Variants in ZNG1A observed in about 807,000 individuals in gnomAD.
ZNG1A encodes the protein zinc-regulated GTPase metalloprotein activator 1A.
At chr9:162,442 T>C in the ZNG1A span, 6 of 1,499,480 alleles carry the variant, frequency 4.0e-6, no homozygotes, top group African/African-American at 7.2e-5. Context: ...TTTTAATCCA[T>C]ATTTTGAATC....
At chr9:126,895 T>C in the ZNG1A span, among the ~76,000 whole-genome samples, 1 of 152,078 alleles carries the variant, frequency 6.6e-6, no homozygotes, top group Non-Finnish European at 1.5e-5. Flanking sequence ...ACTCTTGTCG[T>C]TCAGTTTGAG....
the ZNG1A span, chr9:150,231 A>C: frequency 8.4e-6 from 1 of 118,892 alleles, no homozygotes; most frequent in African/African-American, 3.3e-5. Context: ...GGTTCACGCC[A>C]TTCTCCTGCC....
the ZNG1A span, among the ~76,000 whole-genome samples, chr9:129,669 G>C: frequency 2.1e-5 from 3 of 140,148 alleles, no homozygotes; most frequent in Non-Finnish European, 4.6e-5. Context: ...AGAGGGAGAC[G>C]AAAATTGGGG....
chr9:128,618 G>T, the ZNG1A span, among the ~76,000 whole-genome samples: 3 of 148,092 alleles, frequency 2.0e-5, no homozygotes, highest in African/African-American at 2.6e-5. Context: ...TTTACATTGG[G>T]CTTCACCTTT....
chr9:174,071 C>T, the ZNG1A span, among the ~76,000 whole-genome samples: 24 of 150,234 alleles, frequency 1.6e-4, no homozygotes, highest in African/African-American at 5.2e-4. Flanking sequence ...GGCGTGAACC[C>T]GGGAGGCGGA....
the ZNG1A span, among the ~76,000 whole-genome samples, chr9:124,106 A>G: frequency 6.6e-6 from 1 of 152,204 alleles, no homozygotes; most frequent in African/African-American, 2.4e-5. Context: ...GGGGGACATC[A>G]TCATGTATTG....
At chr9:125,112 A>G in the ZNG1A span, among the ~76,000 whole-genome samples, 2 of 152,194 alleles carry the variant, frequency 1.3e-5, no homozygotes, top group African/African-American at 4.8e-5. Flanking sequence ...TTCTACTTTT[A>G]GTTCTTTAAG....
the ZNG1A span, among the ~76,000 whole-genome samples, chr9:155,000 G>A: frequency 3.3e-5 from 5 of 152,086 alleles, no homozygotes; most frequent in African/African-American, 1.2e-4. Context: ...TGGATGAATT[G>A]TGTTCATTAC....
At chr9:177,718 C>T in the ZNG1A span, 43 of 1,506,614 alleles carry the variant, frequency 2.9e-5, no homozygotes, top group Admixed American at 6.2e-5. Context: ...GATCTACTGA[C>T]CTACCAGTGA....
chr9:164,970 G>A, the ZNG1A span, among the ~76,000 whole-genome samples: 2 of 152,062 alleles, frequency 1.3e-5, no homozygotes, highest in Non-Finnish European at 2.9e-5. Context: ...ATGGTTTCCT[G>A]ATACCTATTG....
the ZNG1A span, among the ~76,000 whole-genome samples, chr9:161,415 C>A: frequency 2.0e-5 from 3 of 149,400 alleles, no homozygotes; most frequent in Admixed American, 2.0e-4. Context: ...TTGCAGTGAG[C>A]CAAGATGGTG....
the ZNG1A span, chr9:146,649 T>G: frequency 6.6e-6 from 1 of 152,620 alleles, no homozygotes; most frequent in African/African-American, 2.6e-5. Flanking sequence ...CGTGATTTGA[T>G]TTCATTCATT....
At chr9:129,417 C>T in the ZNG1A span, among the ~76,000 whole-genome samples, 1 of 150,422 alleles carries the variant, frequency 6.6e-6, no homozygotes, top group Non-Finnish European at 1.5e-5. Context: ...CTAACAACCA[C>T]CTAAATGTCC....
chr9:148,079 A>G, the ZNG1A span: 3 of 139,522 alleles, frequency 2.2e-5, no homozygotes, highest in Non-Finnish European at 4.6e-5. Flanking sequence ...AATAAAAATA[A>G]AAATAAACCA....
At chr9:154,813 G>A in the ZNG1A span, 2 of 1,416,920 alleles carry the variant, frequency 1.4e-6, no homozygotes, top group Middle Eastern at 1.8e-4. Flanking sequence ...AGCAAACAGA[G>A]AAATGTTAAG....
the ZNG1A span, chr9:172,724 T>C: frequency 6.5e-6 from 1 of 154,256 alleles, no homozygotes; most frequent in African/African-American, 2.5e-5. Flanking sequence ...AGGGAGTAAA[T>C]GATGCCGAAG....
the ZNG1A span, chr9:175,901 T>A: frequency 1.6e-5 from 23 of 1,414,370 alleles, 1 homozygote; most frequent in African/African-American, 3.0e-4. Context: ...TATATTATTT[T>A]AGCATAGAAT....
chr9:163,607 C>T, the ZNG1A span, among the ~76,000 whole-genome samples: 1 of 151,594 alleles, frequency 6.6e-6, no homozygotes, highest in Non-Finnish European at 1.5e-5. Flanking sequence ...TAAGCTTAAC[C>T]ATAAAGATTT....
the ZNG1A span, chr9:166,315 C>T: frequency 4.1e-5 from 6 of 146,510 alleles, no homozygotes; most frequent in Non-Finnish European, 7.5e-5. Flanking sequence ...TCCCTCCACT[C>T]CAACAATATA....
Sources: allele counts gnomAD v4.1 joint callset (sites outside exome capture counted in the v4.1 genomes callset), GRCh38; gene constraint gnomAD v4.1.1; transcripts MANE v1.5; gene names NCBI Gene and HGNC (gene_info 2026-07-23, HGNC 2026-07-21).